The following MAP4K3 variants were observed in gnomAD, a reference collection of about 807,000 sequenced individuals.
MAP4K3 encodes mitogen-activated protein kinase kinase kinase kinase 3.
A neutral mutation model predicts 143.5 loss-of-function variants in MAP4K3; 94 were observed. The observed-to-expected ratio is 0.65, with a 90% confidence interval of 0.55 to 0.78. The LOEUF (loss-of-function observed/expected upper bound fraction) is 0.78, where lower values mean the gene tolerates loss of function less well. MAP4K3 is among the 30% of genes least tolerant of loss of function. The probability of loss-of-function intolerance (pLI) is 0.00; values close to 1 mark genes in which losing one functional copy is unlikely to be tolerated. For missense variants in MAP4K3, 1,077 were observed against 1,068.1 expected (o/e 1.01, Z -0.12); for synonymous variants, 416 against 347.2 (o/e 1.20, Z -2.20).
chr2:39,342,145 T>TATTATG (rs1665161599), intron 4 of MAP4K3, among the ~76,000 whole-genome samples: 1 of 91,064 alleles, frequency 1.1e-5, no homozygotes, highest in South Asian at 3.8e-4. Context: ...TTATTATTAT[T>TATTATG]ATTATTATTT....
rs1341992773 is a variant in MAP4K3, at chr2:39,283,561, C to A, written c.1588-1007G>T. On this transcript the variant is annotated intron_variant, in intron 21 of 33. Transcript: ENST00000263881. The stretch of plus-strand genomic sequence containing the variant: ...GTTATATATATACAACAAATAGTTT[C>A]TCCTTGTGTAGATAATCTTCACCAT... The A allele has an allele frequency of 2.0e-5, 3 of 152,016 alleles. No homozygotes were observed. In the South Asian group the frequency reaches 6.2e-4, roughly 31 times the overall value. The allele number at this position is 152,016 out of a possible 1,614,324, so 9.4% of individuals were successfully genotyped here. A position where few individuals can be genotyped will look rare whatever the true frequency, so the allele number is the denominator to read the frequency against.
chr2:39,252,204 G>A (rs1299877534), intron 32 of MAP4K3, among the ~76,000 whole-genome samples: 1 of 152,152 alleles, frequency 6.6e-6, no homozygotes, highest in Non-Finnish European at 1.5e-5. Context: ...TTATGTTAAC[G>A]CTAATGGCAA....
At position 39,286,960 on chromosome 2, in the gene MAP4K3, A is replaced by C; in HGVS notation, c.1479T>G (p.Asn493Lys). 1 of 1,579,820 alleles carries C rather than the reference A, an allele frequency of 6.3e-7. No homozygotes were observed. Among genetic ancestry groups the C allele is most frequent in the Non-Finnish European group, 8.7e-7 (1 of 1,154,818 alleles). ...LPPHKPVALG[N>K]GMSSFQLNGE... Reference sequence around the variant, plus strand: ...CATTTAACTGGAAGGAGCTCATTCCATTTCCTTCAATAAGATATATTCATT... The same window carrying C: ...CATTTAACTGGAAGGAGCTCATTCCCTTTCCTTCAATAAGATATATTCATT... The change falls in exon 21 of 34, where the codon AAT becomes AAG. Residue 493 changes from asparagine (N) to lysine (K), a missense_variant. Physicochemically the swap from Asn to Lys is moderately conservative, Grantham distance 94. Coordinates refer to ENST00000263881, the MANE Select transcript of MAP4K3 (RefSeq NM_003618.4).
intron 15 of MAP4K3, among the ~76,000 whole-genome samples, chr2:39,306,609 T>A (rs1485257255): frequency 6.6e-6 from 1 of 152,168 alleles, no homozygotes; most frequent in African/African-American, 2.4e-5. Flanking sequence ...CACTTCCTCT[T>A]TGATAATTTA....
At chr2:39,413,943 C>G (rs1030225936) in intron 1 of MAP4K3, among the ~76,000 whole-genome samples, 15 of 152,150 alleles carry the variant, frequency 9.9e-5, no homozygotes, top group Non-Finnish European at 2.2e-4. Context: ...ATATCTACAT[C>G]TTTAAGTAAG....
intron 8 of MAP4K3, among the ~76,000 whole-genome samples, chr2:39,327,273 A>G (rs1388586315): frequency 6.6e-6 from 1 of 152,218 alleles, no homozygotes; most frequent in African/African-American, 2.4e-5. Flanking sequence ...TTTACTAAAA[A>G]CTTATTTGGC....
intron 2 of MAP4K3, among the ~76,000 whole-genome samples, chr2:39,367,609 A>T (rs1035469460): frequency 2.6e-5 from 4 of 151,970 alleles, no homozygotes; most frequent in Non-Finnish European, 4.4e-5. Context: ...CCCTAAAAAA[A>T]AAGTCTTACT....
intron 24 of MAP4K3, among the ~76,000 whole-genome samples, chr2:39,275,167 C>A (rs1018531089): frequency 2.6e-5 from 4 of 152,176 alleles, no homozygotes; most frequent in Non-Finnish European, 5.9e-5. Flanking sequence ...CAGACTGGGG[C>A]TAGGTGTGGT....
intron 12 of MAP4K3, among the ~76,000 whole-genome samples, chr2:39,322,357 A>C (rs1225182635): frequency 6.6e-6 from 1 of 152,198 alleles, no homozygotes; most frequent in Non-Finnish European, 1.5e-5. Context: ...AGCACAATAA[A>C]TTATTAATTT....
At chr2:39,364,607 C>T (rs1294326012) in intron 2 of MAP4K3, among the ~76,000 whole-genome samples, 2 of 152,196 alleles carry the variant, frequency 1.3e-5, no homozygotes, top group African/African-American at 4.8e-5. Flanking sequence ...GTGGCTTACG[C>T]CTGTAATGCC....
intron 12 of MAP4K3, 171 bp from the exon 13 acceptor site, chr2:39,315,559 C>A: frequency 5.7e-6 from 3 of 529,984 alleles, no homozygotes; most frequent in Middle Eastern, 4.8e-4. Flanking sequence ...GCAGCTCAAA[C>A]TATTAGGTGA....
At chr2:39,409,504 G>GA (rs1667182627) in intron 1 of MAP4K3, among the ~76,000 whole-genome samples, 1 of 151,876 alleles carries the variant, frequency 6.6e-6, no homozygotes, top group Admixed American at 6.6e-5. Flanking sequence ...TGAGGCAGGA[G>GA]AATCATTTGA....
intron 2 of MAP4K3, among the ~76,000 whole-genome samples, chr2:39,370,594 T>G (rs765158786): frequency 3.3e-5 from 5 of 152,214 alleles, no homozygotes; most frequent in Non-Finnish European, 7.3e-5. Context: ...TTATTGGTAC[T>G]TTTTTGCACT....
chr2:39,354,498 G>A (rs577075812), intron 3 of MAP4K3, among the ~76,000 whole-genome samples: 57 of 151,646 alleles, frequency 3.8e-4, no homozygotes, highest in African/African-American at 9.9e-4. Flanking sequence ...TGTGCCTATC[G>A]TCCTAGCTAC....
chr2:39,260,910 T>A, intron 28 of MAP4K3, 133 bp from the exon 29 acceptor site: 1 of 616,672 alleles, frequency 1.6e-6, no homozygotes, highest in South Asian at 2.2e-5. Flanking sequence ...CAGAAAAATC[T>A]AAATTATGGA....
chr2:39,351,825 T>A (rs1044264640), intron 3 of MAP4K3, among the ~76,000 whole-genome samples: 1 of 152,060 alleles, frequency 6.6e-6, no homozygotes, highest in Non-Finnish European at 1.5e-5. Context: ...TGTGCCACCA[T>A]GCCCAGCTAA....
At chr2:39,395,420 C>G (rs529889862) in intron 1 of MAP4K3, among the ~76,000 whole-genome samples, 1 of 152,190 alleles carries the variant, frequency 6.6e-6, no homozygotes, top group African/African-American at 2.4e-5. Context: ...TTTCCACTAT[C>G]TGATAATGCT....
At chr2:39,409,338 A>G (rs1477534876) in intron 1 of MAP4K3, among the ~76,000 whole-genome samples, 2 of 152,340 alleles carry the variant, frequency 1.3e-5, no homozygotes, top group East Asian at 3.9e-4. Flanking sequence ...GGGAAGTCAA[A>G]AAGTTATACA....
chr2:39,358,106 T>C (rs1036425314), intron 2 of MAP4K3, among the ~76,000 whole-genome samples: 1 of 152,202 alleles, frequency 6.6e-6, no homozygotes, highest in African/African-American at 2.4e-5. Context: ...TCTCTGTAAT[T>C]TTCAGATATA....
Sources: gnomAD v4.1 joint callset for allele counts (sites outside exome capture counted in the v4.1 genomes callset) on GRCh38, gnomAD v4.1.1 for gene constraint, MANE v1.5 for transcripts, NCBI Gene and HGNC (gene_info 2026-07-23, HGNC 2026-07-21) for gene names.